Variants in GALNTL6 observed in about 807,000 individuals in gnomAD.
GALNTL6 encodes polypeptide N-acetylgalactosaminyltransferase-like 6.
GALNTL6 carries 46 observed loss-of-function variants against 73.7 expected under a neutral mutation model. The ratio of observed to expected loss-of-function variants is 0.62; its 90% CI spans 0.49 to 0.80. The LOEUF is 0.80. Ranked by LOEUF, GALNTL6 falls within the 30% of genes least tolerant of loss-of-function variation. The pLI, the probability that GALNTL6 is intolerant of heterozygous loss-of-function variation, is 0.00. For missense variants in GALNTL6, 604 were observed against 755.0 expected, an observed-to-expected ratio of 0.80 and a Z score of 2.34; for synonymous variants, 259 against 263.7, an observed-to-expected ratio of 0.98 and a Z score of 0.17.
intron 2 of GALNTL6, among the ~76,000 whole-genome samples, chr4:171,908,304 AAAAC>A (rs988808769): frequency 9.2e-5 from 14 of 152,192 alleles, no homozygotes; most frequent in East Asian, 1.9e-4. Flanking sequence ...TACAAGAAAA[AAAAC>A]AAACAAACCC....
chr4:171,885,348 C>T (rs1205821203), intron 2 of GALNTL6, among the ~76,000 whole-genome samples: 2 of 152,120 alleles, frequency 1.3e-5, no homozygotes, highest in African/African-American at 2.4e-5. Flanking sequence ...TTCTCACAAA[C>T]CAATACAAAA....
At chr4:172,181,634 G>A (rs1735245275) in intron 2 of GALNTL6, among the ~76,000 whole-genome samples, 1 of 108,770 alleles carries the variant, frequency 9.2e-6, no homozygotes, top group African/African-American at 6.1e-5. Flanking sequence ...CATTCAAATA[G>A]GAAAGAGGAA....
chr4:172,964,675 A>G (rs1186552458), intron 10 of GALNTL6, among the ~76,000 whole-genome samples: 1 of 152,042 alleles, frequency 6.6e-6, no homozygotes, highest in Admixed American at 6.5e-5. Flanking sequence ...TCTTTCTTCT[A>G]ATGTTCTGGC....
chr4:172,854,683 C>A (rs531205703), intron 7 of GALNTL6, among the ~76,000 whole-genome samples: 56 of 152,300 alleles, frequency 3.7e-4, no homozygotes, highest in African/African-American at 1.3e-3. Context: ...CAAGGCCAAA[C>A]TAAATTTCTC....
At chr4:173,039,863 T>C (rs1753833920) in intron 12 of GALNTL6, 70 bp from the exon 13 acceptor site, 1 of 1,128,294 alleles carries the variant, frequency 8.9e-7, no homozygotes, top group African/African-American at 1.6e-5. Flanking sequence ...ATCTTACTTC[T>C]GTATATTTTG....
At chr4:172,831,210 C>T (rs577779534) in intron 7 of GALNTL6, among the ~76,000 whole-genome samples, 46 of 135,114 alleles carry the variant, frequency 3.4e-4, no homozygotes, top group African/African-American at 1.2e-3. Context: ...TCAAAAGACA[C>T]GGGCTTATTT....
intron 5 of GALNTL6, among the ~76,000 whole-genome samples, chr4:172,466,902 G>A (rs768437002): frequency 4.0e-5 from 6 of 150,938 alleles, no homozygotes; most frequent in Non-Finnish European, 5.9e-5. Flanking sequence ...AATCTTACGA[G>A]ATTTGCATTT....
intron 2 of GALNTL6, among the ~76,000 whole-genome samples, chr4:172,056,684 T>C (rs1700734874): frequency 6.6e-6 from 1 of 151,948 alleles, no homozygotes; most frequent in African/African-American, 2.4e-5. Flanking sequence ...GTATTTTTAA[T>C]AATATAGTTA....
chr4:172,894,222 T>C (rs1051828775), intron 8 of GALNTL6, among the ~76,000 whole-genome samples: 5 of 152,162 alleles, frequency 3.3e-5, no homozygotes, highest in Admixed American at 1.3e-4. Context: ...TTATTATTTC[T>C]TTTATTTTGC....
chr4:171,914,787 A>T (rs1195030816), intron 2 of GALNTL6, among the ~76,000 whole-genome samples: 2 of 151,716 alleles, frequency 1.3e-5, no homozygotes, highest in Non-Finnish European at 2.9e-5. Context: ...TGATAAAAAA[A>T]AAAAAACTAT....
intron 2 of GALNTL6, among the ~76,000 whole-genome samples, chr4:172,090,607 T>G (rs1732175670): frequency 6.6e-6 from 1 of 152,230 alleles, no homozygotes; most frequent in Admixed American, 6.5e-5. Flanking sequence ...CTTTGTCAGA[T>G]GGATCAATTG....
chr4:172,522,515 A>G (rs773539340), intron 5 of GALNTL6, among the ~76,000 whole-genome samples: 6 of 152,166 alleles, frequency 3.9e-5, no homozygotes, highest in Non-Finnish European at 7.4e-5. Context: ...TACTAAAAAT[A>G]CAAAATTAGC....
chr4:171,882,093 T>G (rs1160883617), intron 2 of GALNTL6, among the ~76,000 whole-genome samples: 7 of 152,212 alleles, frequency 4.6e-5, no homozygotes, highest in Non-Finnish European at 1.0e-4. Flanking sequence ...CTTCCTTTTA[T>G]TTTACTTTTC....
At chr4:172,546,362 C>T (rs933923739) in intron 5 of GALNTL6, among the ~76,000 whole-genome samples, 1 of 152,076 alleles carries the variant, frequency 6.6e-6, no homozygotes, top group Non-Finnish European at 1.5e-5. Context: ...GATCAAATTT[C>T]TACCTGCACA....
At chr4:171,872,367 A>G (rs185263759) in intron 2 of GALNTL6, among the ~76,000 whole-genome samples, 2,402 of 152,270 alleles carry the variant, frequency 0.016, 67 homozygotes, top group African/African-American at 0.054. Context: ...GGCAGTTTTT[A>G]TAAAATTTCT....
At chr4:172,057,719 AAAAAAAAAATATAT>A (rs1227880412) in intron 2 of GALNTL6, among the ~76,000 whole-genome samples, 36 of 61,108 alleles carry the variant, frequency 5.9e-4, no homozygotes, top group East Asian at 1.8e-3. Context: ...AAAAAAAAAA[AAAAAAAAAATATAT>A]ATATATATAT....
intron 11 of GALNTL6, among the ~76,000 whole-genome samples, chr4:173,013,545 C>G (rs1470555843): frequency 6.6e-6 from 1 of 151,824 alleles, no homozygotes; most frequent in South Asian, 2.1e-4. Context: ...GTTCACTCCC[C>G]GCACCCCCCA....
chr4:172,991,135 T>A lies in GALNTL6; in HGVS notation c.1372-18043T>A, dbSNP rs552864162. Among the ~76,000 whole-genome samples, 3 of 152,246 alleles carry A rather than the reference T, an allele frequency of 2.0e-5. No individual in the cohort carries two copies. The South Asian group carries it at 6.2e-4, about 32-fold the overall frequency. Reference sequence around the variant, plus strand: ...TAAGTAATTTCTTTAACAAAAATGATAACTCAAAAATTTTAAAAAGACTTA... The same window carrying A: ...TAAGTAATTTCTTTAACAAAAATGAAAACTCAAAAATTTTAAAAAGACTTA... On this transcript the variant is annotated intron_variant, in intron 10 of 12. Coordinates refer to ENST00000506823, the MANE Select transcript of GALNTL6 (RefSeq NM_001034845.3).
intron 6 of GALNTL6, 108 bp from the exon 7 acceptor site, chr4:172,813,432 G>C: frequency 2.4e-6 from 2 of 826,856 alleles, no homozygotes; most frequent in Non-Finnish European, 3.7e-6. Context: ...GGGAGCCACG[G>C]CTGCAAGCAT....
Sources: gnomAD v4.1 joint callset for allele counts (sites outside exome capture counted in the v4.1 genomes callset) on GRCh38, gnomAD v4.1.1 for gene constraint, MANE v1.5 for transcripts, NCBI Gene and HGNC (gene_info 2026-07-23, HGNC 2026-07-21) for gene names.